MECR: variants seen among roughly 807,000 people sequenced by gnomAD.
The protein encoded by MECR is enoyl-[acyl-carrier-protein] reductase, mitochondrial.
A neutral mutation model predicts 49.1 loss-of-function variants in MECR; 37 were observed. That is an observed-to-expected ratio of 0.75 (90% CI 0.58 to 0.99). MECR has a LOEUF of 0.99. MECR is among the 50% of genes least tolerant of loss of function. The pLI is 0.00. For missense variants in MECR, 470 were observed against 479.6 expected, an observed-to-expected ratio of 0.98 and a Z score of 0.19; for synonymous variants, 198 against 191.1, an observed-to-expected ratio of 1.04 and a Z score of -0.30.
the MECR span, among the ~76,000 whole-genome samples, chr1:29,168,013 T>C: frequency 3.2e-5 from 1 of 31,580 alleles, no homozygotes; most frequent in Non-Finnish European, 1.2e-4. Flanking sequence ...TTCTAATTCC[T>C]TTTTTTTTTT....
chr1:29,176,204 A>G, the MECR span, among the ~76,000 whole-genome samples: 1 of 152,154 alleles, frequency 6.6e-6, no homozygotes, highest in African/African-American at 2.4e-5. Flanking sequence ...GTGAGCTGAG[A>G]TTGTACCACT....
downstream of MECR, among the ~76,000 whole-genome samples, chr1:29,189,346 G>C (rs973540841): frequency 6.6e-6 from 1 of 152,184 alleles, no homozygotes; most frequent in South Asian, 2.1e-4. Flanking sequence ...TGGGGTTACA[G>C]GTGTGAGCCA....
chr1:29,219,528 A>G (rs2819609), intron 1 of MECR, among the ~76,000 whole-genome samples: 125,546 of 152,108 alleles, frequency 0.83, 52,387 homozygotes, highest in Middle Eastern at 0.89. Context: ...TCACTTGCTC[A>G]GTATTCCCAT....
chr1:29,211,295 T>C (rs1677966581), intron 3 of MECR, among the ~76,000 whole-genome samples: 1 of 152,204 alleles, frequency 6.6e-6, no homozygotes, highest in Admixed American at 6.5e-5. Flanking sequence ...TCTTGAACTC[T>C]TGGACTCAAG....
At chr1:29,216,501 T>G (rs1679443126) in intron 2 of MECR, 87 bp downstream of exon 2, 4 of 1,352,466 alleles carry the variant, frequency 3.0e-6, no homozygotes, top group East Asian at 4.6e-5. Context: ...TCACAGGCAT[T>G]TCACACCCAC....
chr1:29,181,833 G>T, the MECR span: 27 of 1,162,304 alleles, frequency 2.3e-5, no homozygotes, highest in Non-Finnish European at 2.9e-5. Flanking sequence ...CGGCGGCAGC[G>T]GCGGCGGCGG....
At chr1:29,216,485 T>G in intron 2 of MECR, 103 bp downstream of exon 2, 1 of 1,176,046 alleles carries the variant, frequency 8.5e-7, no homozygotes, top group Non-Finnish European at 1.3e-6. Flanking sequence ...GAACAGCTGC[T>G]GCTAATCACA....
chr1:29,203,083 G>A, intron 5 of MECR, 48 bp downstream of exon 5: 1 of 1,467,556 alleles, frequency 6.8e-7, no homozygotes, highest in Non-Finnish European at 9.2e-7. Flanking sequence ...ATGGGAGGTG[G>A]GAAAGACCCA....
At chr1:29,172,790 T>C in the MECR span, 3 of 152,106 alleles carry the variant, frequency 2.0e-5, no homozygotes, top group Non-Finnish European at 2.9e-5. Flanking sequence ...TCAGGGATAA[T>C]AAAAATGCAA....
chr1:29,205,568 G>A (rs781684940), intron 4 of MECR, among the ~76,000 whole-genome samples: 7 of 151,534 alleles, frequency 4.6e-5, no homozygotes, highest in Non-Finnish European at 7.4e-5. Flanking sequence ...TGGGTGGCTC[G>A]CGCCTGTAAT....
rs12130937 is a variant in MECR at position 29,211,909 on chromosome 1, C to A, written c.406+4096G>T. Among the ~76,000 whole-genome samples the A allele has an allele frequency of 9.6e-3, 1,460 of 152,318 alleles. 13 individuals are homozygous for A. The highest frequency in any genetic ancestry group is 0.017 in the Non-Finnish European group (1,132 of 68,026). ...GCAGCTCAGAACCATGAAAAATGAC[C>A]AAGCTGTGGCCAACTAAGAACTTAC... On this transcript the variant is annotated intron_variant, in intron 3 of 9. Transcript: ENST00000263702.
chr1:29,178,103 T>G, the MECR span, among the ~76,000 whole-genome samples: 5 of 151,902 alleles, frequency 3.3e-5, 1 homozygote, highest in Admixed American at 1.3e-4. Context: ...TTTCACCATG[T>G]TGGCCAGGCT....
intron 1 of MECR, among the ~76,000 whole-genome samples, chr1:29,227,782 G>A (rs541333694): frequency 1.3e-5 from 2 of 152,286 alleles, no homozygotes; most frequent in East Asian, 1.9e-4. Context: ...GTGACAGTGT[G>A]GTTACCCTAA....
chr1:29,174,856 T>C, the MECR span, among the ~76,000 whole-genome samples: 14 of 151,618 alleles, frequency 9.2e-5, no homozygotes. Context: ...GTATTTTTAG[T>C]AGAGACAGGG....
the MECR span, among the ~76,000 whole-genome samples, chr1:29,183,075 C>G: frequency 6.6e-6 from 1 of 152,140 alleles, no homozygotes; most frequent in Non-Finnish European, 1.5e-5. Context: ...AAGGATAACT[C>G]AAGGTTCAAA....
intron 3 of MECR, among the ~76,000 whole-genome samples, chr1:29,208,639 G>A (rs1196115179): frequency 6.6e-6 from 1 of 152,182 alleles, no homozygotes; most frequent in Non-Finnish European, 1.5e-5. Context: ...GAGGAAATGA[G>A]GAAGTGACTT....
At chr1:29,229,159 A>G (rs1682838184) in intron 1 of MECR, 1 of 150,664 alleles carries the variant, frequency 6.6e-6, no homozygotes, top group African/African-American at 2.4e-5. Context: ...ATGACCTTGA[A>G]TTTATCTGAG....
the MECR span, chr1:29,181,563 G>C: frequency 4.9e-6 from 6 of 1,224,122 alleles, no homozygotes; most frequent in Non-Finnish European, 5.6e-6. Flanking sequence ...CGCGGACCAG[G>C]CGTCCCTCTC....
At chr1:29,222,101 TTC>T (rs1393691434) in intron 1 of MECR, among the ~76,000 whole-genome samples, 1 of 152,208 alleles carries the variant, frequency 6.6e-6, no homozygotes, top group African/African-American at 2.4e-5. Context: ...GGTATTTCTT[TTC>T]TTTTTTTTGA....
Sources: gnomAD v4.1 joint callset for allele counts (sites outside exome capture counted in the v4.1 genomes callset) on GRCh38, gnomAD v4.1.1 for gene constraint, MANE v1.5 for transcripts, NCBI Gene and HGNC (gene_info 2026-07-23, HGNC 2026-07-21) for gene names.